MEGF10: variants seen among roughly 807,000 people sequenced by gnomAD.
MEGF10 encodes the protein multiple epidermal growth factor-like domains protein 10.
In MEGF10, 86 loss-of-function variants were observed where a neutral mutation model predicts 147.5. That is an observed-to-expected ratio of 0.58 (90% CI 0.49 to 0.70). The LOEUF (loss-of-function observed/expected upper bound fraction) is 0.70, where lower values mean the gene tolerates loss of function less well. Among genes scored for constraint, MEGF10 ranks in the 30% least tolerant of loss-of-function variants. MEGF10 has a pLI of 0.00. For synonymous variants in MEGF10, 478 were observed against 525.5 expected (o/e 0.91, Z 1.24); for missense variants, 1,329 against 1,487.3 (o/e 0.89, Z 1.75).
chr5:127,247,470 G>T, the MEGF10 span, among the ~76,000 whole-genome samples: 1 of 146,638 alleles, frequency 6.8e-6, no homozygotes, highest in African/African-American at 2.5e-5. Flanking sequence ...AGAAGAAGAA[G>T]AAGAAGAAGA....
At chr5:127,253,112 C>T in the MEGF10 span, among the ~76,000 whole-genome samples, 1 of 151,978 alleles carries the variant, frequency 6.6e-6, no homozygotes, top group Admixed American at 6.6e-5. Flanking sequence ...AGTGATTTAA[C>T]ACTTTGACAA....
chr5:127,237,205 A>G, the MEGF10 span, among the ~76,000 whole-genome samples: 1 of 152,202 alleles, frequency 6.6e-6, no homozygotes, highest in Non-Finnish European at 1.5e-5. Context: ...TGTAGAAGTT[A>G]TTTAACTTCG....
chr5:127,417,947 A>G (rs1160124156), intron 10 of MEGF10, 135 bp downstream of exon 10: 4 of 909,466 alleles, frequency 4.4e-6, no homozygotes, highest in East Asian at 2.9e-5. Context: ...GAGAGAGAAA[A>G]TGAGGGGAAA....
chr5:127,388,648 C>T (rs1763529551), intron 5 of MEGF10, among the ~76,000 whole-genome samples: 1 of 151,976 alleles, frequency 6.6e-6, no homozygotes, highest in African/African-American at 2.4e-5. Flanking sequence ...TGGGTTCACA[C>T]CATTCTCCTG....
chr5:127,290,698 G>A (rs1185233084), upstream of MEGF10: 3 of 152,674 alleles, frequency 2.0e-5, no homozygotes, highest in Non-Finnish European at 4.4e-5. Flanking sequence ...CCCCCCAGCG[G>A]CCACTGCCCC....
At position 127,447,666 on chromosome 5, in the gene MEGF10, C is replaced by T; in HGVS notation, c.2838C>T (p.Asp946=). 6.2e-7 allele frequency: 1 copy of T among 1,614,096 alleles called. No individual in the cohort carries two copies. Among genetic ancestry groups the T allele is most frequent in the Non-Finnish European group, 8.5e-7 (1 of 1,179,986 alleles). ...CATCCCCTCACGTCAACAACAGGGA[C>T]AGGATGACTGTCACGAAGGTGAGAG... ...CATSPHVNNR[D]RMTVTKSKNN... is the part of the protein sequence containing the mutation. Residue 946 remains aspartate (D), a synonymous_variant, in exon 21 of 25, where the codon GAC becomes GAT. Transcript: ENST00000503335.
the MEGF10 span, among the ~76,000 whole-genome samples, chr5:127,245,772 A>G: frequency 6.6e-6 from 1 of 152,186 alleles, no homozygotes; most frequent in Non-Finnish European, 1.5e-5. Context: ...GAAAAAAACA[A>G]CCCCATCAAA....
At chr5:127,335,281 C>T (rs1330401069) in intron 2 of MEGF10, among the ~76,000 whole-genome samples, 2 of 152,052 alleles carry the variant, frequency 1.3e-5, no homozygotes, top group African/African-American at 2.4e-5. Flanking sequence ...TTACTGCTGA[C>T]GCTATATGGA....
At chr5:127,267,457 C>T in the MEGF10 span, among the ~76,000 whole-genome samples, 1 of 152,110 alleles carries the variant, frequency 6.6e-6, no homozygotes, top group East Asian at 1.9e-4. Flanking sequence ...AGGGAGGCTT[C>T]CCTCTTTTTC....
At chr5:127,382,983 C>A (rs536762321) in intron 5 of MEGF10, among the ~76,000 whole-genome samples, 1 of 152,324 alleles carries the variant, frequency 6.6e-6, no homozygotes, top group East Asian at 1.9e-4. Flanking sequence ...GAAGCTTCCA[C>A]ATACCACTTC....
intron 1 of MEGF10, among the ~76,000 whole-genome samples, chr5:127,298,412 C>A (rs774770026): frequency 1.3e-5 from 2 of 152,204 alleles, no homozygotes; most frequent in Admixed American, 6.5e-5. Context: ...CTGCTTTCAG[C>A]TGGTTCCTTA....
At chr5:127,232,964 C>A in the MEGF10 span, among the ~76,000 whole-genome samples, 2 of 152,150 alleles carry the variant, frequency 1.3e-5, no homozygotes, top group East Asian at 3.9e-4. Flanking sequence ...GAGCCTTAAT[C>A]CCACCTTGCT....
intron 4 of MEGF10, 31 bp downstream of exon 4, chr5:127,340,661 GC>G: frequency 6.3e-7 from 1 of 1,583,772 alleles, no homozygotes; most frequent in Non-Finnish European, 8.7e-7. Context: ...TTTGAGATTC[GC>G]TAGTTTTTCC....
intron 17 of MEGF10, among the ~76,000 whole-genome samples, chr5:127,439,381 C>T (rs1279225927): frequency 6.6e-6 from 1 of 151,760 alleles, no homozygotes; most frequent in Non-Finnish European, 1.5e-5. Context: ...TAGCAAGAAG[C>T]TGAGGAGGAC....
At chr5:127,312,784 C>T in intron 1 of MEGF10, among the ~76,000 whole-genome samples, 1 of 152,140 alleles carries the variant, frequency 6.6e-6, no homozygotes, top group Admixed American at 6.5e-5. Flanking sequence ...CTCTGACTCT[C>T]TTAGGTTCAA....
At position 127,349,690 on chromosome 5, in the gene MEGF10, T is replaced by G. The variant is rs539925836; in HGVS notation, c.319+9060T>G. Among the ~76,000 whole-genome samples, 1,397 of 150,834 alleles carry G rather than the reference T, an allele frequency of 9.3e-3. 26 individuals are homozygous for G. Among genetic ancestry groups the G allele is most frequent in the African/African-American group, 0.03 (1,251 of 41,290 alleles). Reference sequence around the variant, plus strand: ...GCATGGGACAGGACTTCCTTTTTTTTTTTGTTTTTTTTAGGCTACACAATA... The same window carrying G: ...GCATGGGACAGGACTTCCTTTTTTTGTTTGTTTTTTTTAGGCTACACAATA... On this transcript the variant is annotated intron_variant, in intron 4 of 24. Coordinates refer to ENST00000503335, the MANE Select transcript of MEGF10 (RefSeq NM_001256545.2).
At chr5:127,393,155 C>G (rs1763768897) in intron 5 of MEGF10, among the ~76,000 whole-genome samples, 1 of 152,220 alleles carries the variant, frequency 6.6e-6, no homozygotes, top group Non-Finnish European at 1.5e-5. Context: ...CAACCAGTCA[C>G]TTTCTCTTGT....
intron 1 of MEGF10, among the ~76,000 whole-genome samples, chr5:127,308,670 A>G (rs1031160774): frequency 2.0e-5 from 3 of 151,610 alleles, no homozygotes; most frequent in African/African-American, 7.3e-5. Context: ...CAATGAGAAC[A>G]CATGGACACA....
At chr5:127,371,007 T>A (rs568640788) in intron 5 of MEGF10, among the ~76,000 whole-genome samples, 1 of 152,286 alleles carries the variant, frequency 6.6e-6, no homozygotes, top group East Asian at 1.9e-4. Flanking sequence ...ATTTTAAAAA[T>A]TTTTACTTGC....
Sources: allele counts gnomAD v4.1 joint callset (sites outside exome capture counted in the v4.1 genomes callset), GRCh38; gene constraint gnomAD v4.1.1; transcripts MANE v1.5; gene names NCBI Gene and HGNC (gene_info 2026-07-23, HGNC 2026-07-21).